Variants in SENP6 observed in about 807,000 individuals in gnomAD.
The protein encoded by SENP6 is SUMO specific peptidase 6.
A neutral mutation model predicts 134.5 loss-of-function variants in SENP6; 41 were observed. The observed-to-expected ratio is 0.30, with a 90% confidence interval of 0.24 to 0.40. The LOEUF is 0.40. SENP6 is among the 10% of genes least tolerant of loss of function. SENP6 has a pLI of 1.00. For synonymous variants in SENP6, 395 were observed against 429.8 expected, an observed-to-expected ratio of 0.92 and a Z score of 1.00; for missense variants, 1,248 against 1,312.5, an observed-to-expected ratio of 0.95 and a Z score of 0.76.
chr6:75,690,150 GTCC>G (rs574638769), intron 16 of SENP6, among the ~76,000 whole-genome samples: 80 of 152,230 alleles, frequency 5.3e-4, no homozygotes, highest in African/African-American at 1.8e-3. Context: ...CCCTCAAGCA[GTCC>G]TCCTACCTTG....
Position 75,702,875 on chromosome 6 carries a change from A to G in SENP6, c.2519A>G (p.Asn840Ser), listed in dbSNP as rs778858719. The G allele has an allele frequency of 1.9e-6, 3 of 1,614,058 alleles. No homozygotes were observed. Among genetic ancestry groups the G allele is most frequent in the African/African-American group, 1.3e-5 (1 of 74,946 alleles). ...CATTGCATAGCTGTAATTGATTCCA[A>G]TCCTGGGCAGGAAGAAAGTGACCCT... The part of the protein sequence containing the change: ...KKHCIAVIDS[N>S]PGQEESDPRY... The change falls in exon 19 of 24, where the codon AAT (asparagine) becomes AGT (serine). Residue 840 changes from asparagine (N) to serine (S), a missense_variant. Asn to Ser is a conservative substitution (Grantham distance 46). Coordinates refer to ENST00000447266, the MANE Select transcript of SENP6 (RefSeq NM_015571.4).
intron 4 of SENP6, 71 bp downstream of exon 4, chr6:75,633,797 T>A (rs1482258233): frequency 7.4e-7 from 1 of 1,356,082 alleles, no homozygotes. Flanking sequence ...ACTTAGAAGC[T>A]AATAGGCCCA....
In SENP6 at chr6:75,714,541, C is replaced by CA. The variant is rs553130867; in HGVS notation, c.3129+721dup. On this transcript the variant is annotated intron_variant, in intron 23 of 23. Transcript: ENST00000447266. Reference sequence around the variant, plus strand: ...CCTTCTGGTTTTCATGGTTGTTTCCCAAAAACATAAATCTAATCCTGTTAC... The same window carrying CA: ...CCTTCTGGTTTTCATGGTTGTTTCCCAAAAAACATAAATCTAATCCTGTTAC... 1.6e-4 allele frequency among the ~76,000 whole-genome samples: 24 copies of CA among 152,238 alleles called. No homozygotes were observed. In the South Asian group the frequency reaches 5.0e-3, roughly 32 times the overall value.
At chr6:75,622,081 A>G (rs887722503) in intron 2 of SENP6, among the ~76,000 whole-genome samples, 8 of 152,190 alleles carry the variant, frequency 5.3e-5, no homozygotes. Context: ...CTTAGGTCAG[A>G]TTCTCACCAG....
intron 16 of SENP6, among the ~76,000 whole-genome samples, chr6:75,682,266 A>C (rs1472313446): frequency 2.6e-5 from 4 of 152,174 alleles, no homozygotes; most frequent in African/African-American, 9.7e-5. Context: ...GAAACAGACA[A>C]ATCCACAAAT....
At chr6:75,622,198 A>C (rs769195466) in intron 2 of SENP6, among the ~76,000 whole-genome samples, 8 of 152,236 alleles carry the variant, frequency 5.3e-5, no homozygotes, top group Non-Finnish European at 1.0e-4. Context: ...CTGTTGTGTA[A>C]AAATTTTAAA....
chr6:75,709,214 A>G (rs1176470445), intron 19 of SENP6, among the ~76,000 whole-genome samples: 1 of 152,170 alleles, frequency 6.6e-6, no homozygotes, highest in African/African-American at 2.4e-5. Context: ...TGCCTAACAC[A>G]AAAGTACTTA....
chr6:75,651,297 A>T lies in SENP6; in HGVS notation c.550+3496A>T, dbSNP rs139736828. Among the ~76,000 whole-genome samples the T allele has an allele frequency of 1.3e-3, 197 of 152,200 alleles. 3 individuals carry two copies. In the South Asian group the frequency reaches 0.033, roughly 26 times the overall value. On this transcript the variant is annotated intron_variant, in intron 7 of 23. Coordinates refer to ENST00000447266, the MANE Select transcript of SENP6 (RefSeq NM_015571.4). The stretch of plus-strand genomic sequence containing the variant: ...TTAATTATATTCTTCATGTAATTAC[A>T]TTATGTAATTACAACTCAATCACCT...
At chr6:75,645,129 A>G (rs1211695945) in intron 6 of SENP6, among the ~76,000 whole-genome samples, 1 of 152,150 alleles carries the variant, frequency 6.6e-6, no homozygotes, top group Admixed American at 6.5e-5. Context: ...ACAAACGCAA[A>G]CCCTAAGAAG....
At chr6:75,652,704 GAAAA>G (rs897161534) in intron 7 of SENP6, among the ~76,000 whole-genome samples, 6 of 80,290 alleles carry the variant, frequency 7.5e-5, no homozygotes, top group East Asian at 3.3e-4. Context: ...AAAAAAAAAA[GAAAA>G]AGAAAAAAAA....
chr6:75,676,997 T>G (rs756580478), intron 13 of SENP6, 33 bp from the exon 14 acceptor site: 52 of 160,338 alleles, frequency 3.2e-4, no homozygotes, highest in East Asian at 4.5e-4. Context: ...TTCTTTTGTG[T>G]TTTTTTTTGG....
At chr6:75,609,206 C>T (rs72884998) in intron 1 of SENP6, among the ~76,000 whole-genome samples, 28 of 152,286 alleles carry the variant, frequency 1.8e-4, no homozygotes, top group East Asian at 1.9e-4. Flanking sequence ...CCTTTCTCCC[C>T]GCTTCCTCAT....
At chr6:75,620,925 A>G (rs1768220063) in intron 1 of SENP6, among the ~76,000 whole-genome samples, 1 of 152,048 alleles carries the variant, frequency 6.6e-6, no homozygotes, top group Admixed American at 6.6e-5. Flanking sequence ...CCATCTTTGG[A>G]ATTTCATTTA....
At chr6:75,682,626 G>T (rs9447534) in intron 16 of SENP6, among the ~76,000 whole-genome samples, 3 of 151,914 alleles carry the variant, frequency 2.0e-5, no homozygotes, top group East Asian at 1.9e-4. Flanking sequence ...TCATTGTTCA[G>T]TTGCCACCTA....
At chr6:75,673,367 A>G (rs1229827314) in intron 11 of SENP6, among the ~76,000 whole-genome samples, 3 of 124,748 alleles carry the variant, frequency 2.4e-5, no homozygotes, top group Non-Finnish European at 1.6e-5. Flanking sequence ...TTGTCAGCCC[A>G]GGCTGGAGTG....
In SENP6 at chr6:75,623,931, G is replaced by A. The variant is rs746197103; in HGVS notation, c.178G>A (p.Glu60Lys). ...AAATCTGCTCAGTGTGGATGAAGAT[G>A]AGGATTCTGAAACCTCAAAAGGAAA... ...GTNLLSVDED[E>K]DSETSKGKKL... The change falls in exon 3 of 24, where the codon GAG becomes AAG. Residue 60 changes from glutamate to lysine, a missense_variant. Glu to Lys is a moderately conservative substitution (Grantham distance 56, BLOSUM62 1). Around this residue, in one of 3 missense-constraint regions of SENP6, gnomAD observed 733 missense variants for 725.4 expected, o/e 1.01. Coordinates refer to ENST00000447266, the MANE Select transcript of SENP6 (RefSeq NM_015571.4). The A allele has an allele frequency of 6.2e-7, 1 of 1,609,344 alleles. No individual in the cohort carries two copies. The highest frequency in any genetic ancestry group is 8.5e-7 in the Non-Finnish European group (1 of 1,177,546).
At position 75,632,261 on chromosome 6, in the gene SENP6, T is replaced by TG. The variant is rs1769167983; in HGVS notation, c.208-1320_208-1319insG. Among the ~76,000 whole-genome samples, 9 of 152,186 alleles carry TG rather than the reference T, an allele frequency of 5.9e-5. No individual in the cohort carries two copies. In the South Asian group the frequency reaches 1.7e-3, roughly 28 times the overall value. On this transcript the variant is annotated intron_variant, in intron 3 of 23. Coordinates refer to ENST00000447266, the MANE Select transcript of SENP6 (RefSeq NM_015571.4). ...TAATAGAGGAGTGGTTAAATTAAAA[T>TG]TTTTTTTGGAACGCAATTGACTGTT...
intron 1 of SENP6, 110 bp downstream of exon 1, chr6:75,602,686 G>A: frequency 9.0e-7 from 1 of 1,110,572 alleles, no homozygotes; most frequent in Non-Finnish European, 1.3e-6. Context: ...CGGGGGCGGT[G>A]AAGTACGAGG....
At chr6:75,680,372 G>C (rs75982110) in intron 16 of SENP6, among the ~76,000 whole-genome samples, 2,949 of 152,256 alleles carry the variant, frequency 0.019, 104 homozygotes, top group African/African-American at 0.067. Flanking sequence ...GCTAGAGTTT[G>C]GTTGAGTTCT....
Sources: allele counts gnomAD v4.1 joint callset (sites outside exome capture counted in the v4.1 genomes callset), GRCh38; gene constraint gnomAD v4.1.1; regional missense constraint gnomAD v4.1.1; transcripts MANE v1.5; gene names NCBI Gene and HGNC (gene_info 2026-07-23, HGNC 2026-07-21).